The following CDH10 variants were observed in gnomAD, a reference collection of about 807,000 sequenced individuals.
CDH10 encodes cadherin 10.
CDH10 carries 30 observed loss-of-function variants against 73.1 expected under a neutral mutation model. That is an observed-to-expected ratio of 0.41 (90% CI 0.31 to 0.56). The LOEUF is 0.56. Ranked by LOEUF, CDH10 falls within the 20% of genes least tolerant of loss-of-function variation. The probability of loss-of-function intolerance (pLI) is 0.27; values close to 1 mark genes in which losing one functional copy is unlikely to be tolerated. For missense variants in CDH10, 815 were observed against 973.7 expected, an observed-to-expected ratio of 0.84 and a Z score of 2.17; for synonymous variants, 345 against 348.2, an observed-to-expected ratio of 0.99 and a Z score of 0.10.
At chr5:24,636,318 C>A (rs146143983) in intron 1 of CDH10, among the ~76,000 whole-genome samples, 3 of 152,038 alleles carry the variant, frequency 2.0e-5, no homozygotes, top group Non-Finnish European at 4.4e-5. Flanking sequence ...CAGTCTGGTG[C>A]CACGATCCAT....
chr5:24,536,921 C>G (rs988796178), intron 3 of CDH10, among the ~76,000 whole-genome samples: 1 of 151,462 alleles, frequency 6.6e-6, no homozygotes, highest in African/African-American at 2.4e-5. Context: ...TAAAAAAATT[C>G]TAATCAATTT....
intron 1 of CDH10, among the ~76,000 whole-genome samples, chr5:24,631,455 GA>G (rs1747703186): frequency 6.6e-6 from 1 of 152,030 alleles, no homozygotes; most frequent in South Asian, 2.1e-4. Flanking sequence ...TATATTTCAG[GA>G]AGAATTGGAG....
chr5:24,547,214 AT>A (rs368432688), intron 2 of CDH10, among the ~76,000 whole-genome samples: 15 of 152,320 alleles, frequency 9.8e-5, no homozygotes, highest in African/African-American at 3.1e-4. Flanking sequence ...AACATCTGTA[AT>A]TTATCTTAAG....
intron 1 of CDH10, among the ~76,000 whole-genome samples, chr5:24,628,321 A>G (rs1303527060): frequency 6.6e-6 from 1 of 152,186 alleles, no homozygotes; most frequent in Non-Finnish European, 1.5e-5. Context: ...ACCCAAAACC[A>G]TGATATTTTA....
chr5:24,527,405 T>A (rs1182941746), intron 5 of CDH10, among the ~76,000 whole-genome samples: 1 of 150,356 alleles, frequency 6.7e-6, no homozygotes, highest in East Asian at 1.9e-4. Context: ...TTATATATAT[T>A]TATATTTATA....
Position 24,499,688 on chromosome 5 carries a change from GAAA to G in CDH10, c.1394-1172_1394-1170del, listed in dbSNP as rs36056652. Among the ~76,000 whole-genome samples, 10 of 147,516 alleles carry G rather than the reference GAAA, an allele frequency of 6.8e-5. No individual in the cohort carries two copies. In the East Asian group the frequency reaches 1.4e-3, roughly 21 times the overall value. ...GGTGACAGAATGAGATTCCATCTCA[GAAA>G]AAAAAAAAATGATGCATTTTCAAAC... On this transcript the variant is annotated intron_variant, in intron 8 of 11. Coordinates refer to ENST00000264463, the MANE Select transcript of CDH10 (RefSeq NM_006727.5).
intron 8 of CDH10, among the ~76,000 whole-genome samples, chr5:24,503,623 G>T (rs10076623): frequency 0.021 from 3,185 of 152,222 alleles, 124 homozygotes; most frequent in African/African-American, 0.071. Context: ...AGGTTTTAGT[G>T]AATAAAATTT....
intron 1 of CDH10, among the ~76,000 whole-genome samples, chr5:24,597,719 A>AT (rs2112105900): frequency 6.6e-6 from 1 of 152,068 alleles, no homozygotes; most frequent in Non-Finnish European, 1.5e-5. Flanking sequence ...CACAAATATT[A>AT]TTTTCTCTAT....
intron 2 of CDH10, among the ~76,000 whole-genome samples, chr5:24,555,592 C>A (rs192666702): frequency 1.3e-3 from 200 of 152,158 alleles, no homozygotes; most frequent in African/African-American, 4.6e-3. Flanking sequence ...AGTATCACAG[C>A]GGAAAGACAC....
chr5:24,506,179 GT>G (rs1427870988), intron 7 of CDH10, among the ~76,000 whole-genome samples: 2 of 150,830 alleles, frequency 1.3e-5, no homozygotes, highest in African/African-American at 4.9e-5. Context: ...ATATATCTGT[GT>G]TTTTAATATA....
Position 24,574,871 on chromosome 5 carries a change from A to G in CDH10, c.231+18389T>C, listed in dbSNP as rs151267706. On this transcript the variant is annotated intron_variant, in intron 2 of 11. Transcript: ENST00000264463. ...AAACCAGAGAACAAAACTAGACGGT[A>G]CAAATAGAAAACAAATAGATTATAA... is the stretch of plus-strand genomic sequence containing the variant. 1.2e-3 allele frequency among the ~76,000 whole-genome samples: 182 copies of G among 149,674 alleles called. 1 individual carries two copies. The highest frequency in any genetic ancestry group is 4.0e-3 in the African/African-American group (166 of 41,380).
chr5:24,623,424 T>C (rs1747384325), intron 1 of CDH10, among the ~76,000 whole-genome samples: 1 of 152,112 alleles, frequency 6.6e-6, no homozygotes, highest in Non-Finnish European at 1.5e-5. Flanking sequence ...CATAACAAAT[T>C]TTAAAAGAGA....
At chr5:24,628,674 G>A (rs1747592723) in intron 1 of CDH10, among the ~76,000 whole-genome samples, 1 of 151,968 alleles carries the variant, frequency 6.6e-6, no homozygotes, top group Admixed American at 6.6e-5. Flanking sequence ...TTTTCATTAT[G>A]TCTGAACCCT....
chr5:24,531,457 C>A (rs905581629), intron 5 of CDH10, among the ~76,000 whole-genome samples: 4 of 152,010 alleles, frequency 2.6e-5, no homozygotes, highest in Non-Finnish European at 5.9e-5. Flanking sequence ...TAAAGACATA[C>A]ACAAGACTGG....
chr5:24,491,549 G>T (rs776689705), intron 11 of CDH10, 27 bp downstream of exon 11: 8 of 1,581,628 alleles, frequency 5.1e-6, no homozygotes, highest in South Asian at 2.3e-5. Flanking sequence ...CCTAGAAAAT[G>T]CTCCCATTGT....
intron 1 of CDH10, among the ~76,000 whole-genome samples, chr5:24,640,218 T>C (rs1220951213): frequency 6.6e-6 from 1 of 150,380 alleles, no homozygotes; most frequent in Admixed American, 6.6e-5. Flanking sequence ...AATCAAGGAG[T>C]TTTGTAATTG....
chr5:24,640,716 G>T (rs931619649), intron 1 of CDH10, among the ~76,000 whole-genome samples: 1 of 151,798 alleles, frequency 6.6e-6, no homozygotes, highest in African/African-American at 2.4e-5. Context: ...TTCCTAAAAT[G>T]ATGTAAAATG....
intron 2 of CDH10, among the ~76,000 whole-genome samples, chr5:24,582,610 A>T (rs1338564546): frequency 6.6e-6 from 1 of 152,178 alleles, no homozygotes; most frequent in Non-Finnish European, 1.5e-5. Flanking sequence ...TGTTTTATGT[A>T]AATTGAAATA....
At chr5:24,640,546 A>G (rs1190020754) in intron 1 of CDH10, among the ~76,000 whole-genome samples, 1 of 151,368 alleles carries the variant, frequency 6.6e-6, no homozygotes, top group African/African-American at 2.4e-5. Flanking sequence ...AAAAAAAAAG[A>G]AAAGATTGAA....
Sources: gnomAD v4.1 joint callset for allele counts (sites outside exome capture counted in the v4.1 genomes callset) on GRCh38, gnomAD v4.1.1 for gene constraint, MANE v1.5 for transcripts, NCBI Gene and HGNC (gene_info 2026-07-23, HGNC 2026-07-21) for gene names.